Variants in TTC19 observed in about 807,000 individuals in gnomAD.
TTC19 encodes the protein tetratricopeptide repeat domain 19.
TTC19 carries 38 observed loss-of-function variants against 49.5 expected under a neutral mutation model. The observed-to-expected ratio is 0.77, with a 90% confidence interval of 0.59 to 1.01. The LOEUF is 1.01. TTC19 is among the 50% of genes least tolerant of loss of function. The pLI, the probability that TTC19 is intolerant of heterozygous loss-of-function variation, is 0.00. For missense variants in TTC19, 475 were observed against 477.7 expected (o/e 0.99, Z 0.05); for synonymous variants, 204 against 185.2 (o/e 1.10, Z -0.83).
intron 7 of TTC19, among the ~76,000 whole-genome samples, chr17:16,018,280 A>G (rs996705788): frequency 1.4e-4 from 22 of 152,122 alleles, no homozygotes; most frequent in Admixed American, 3.3e-4. Context: ...TTTAGCATCC[A>G]GTTCTCTGGA....
At chr17:16,040,364 G>A (rs1294589304) in intron 2 of TTC19, 1 of 1,169,458 alleles carries the variant, frequency 8.6e-7, no homozygotes, top group Non-Finnish European at 1.3e-6. Context: ...TATACAGTTG[G>A]TACTCAGTAC....
At chr17:16,000,342 G>A (rs777021947) in intron 2 of TTC19, 97 bp downstream of exon 2, 2 of 1,541,628 alleles carry the variant, frequency 1.3e-6, no homozygotes, top group Admixed American at 1.9e-5. Flanking sequence ...CCTCGCCGAA[G>A]AGTGGATGGA....
In TTC19 at chr17:16,029,228, T is replaced by C. The variant is rs1332178294; in HGVS notation, c.*1706T>C. The C allele has an allele frequency of 6.6e-6, 3 of 453,982 alleles. No homozygotes were observed. Among genetic ancestry groups the C allele is most frequent in the East Asian group, 1.4e-4 (2 of 14,398 alleles). 28.1% of individuals were successfully genotyped at this position (453,982 alleles called of 1,614,324 possible). On this transcript the variant is annotated 3_prime_UTR_variant, in exon 10 of 10. Coordinates refer to ENST00000261647, the MANE Select transcript of TTC19 (RefSeq NM_017775.4). The stretch of plus-strand genomic sequence containing the variant: ...AGTGACTCAGCTCATGGTCTCGTTG[T>C]TGGAAACACTAGGAGTTTTCAGGAC...
rs996609263 is a variant in TTC19 at position 16,028,193 on chromosome 17, A to G, written c.*671A>G. The G allele has an allele frequency of 2.2e-6, 1 of 453,546 alleles. No individual in the cohort carries two copies. Among genetic ancestry groups the G allele is most frequent in the Non-Finnish European group, 4.4e-6 (1 of 226,398 alleles). 28.1% of individuals were successfully genotyped at this position (453,546 alleles called of 1,614,324 possible). ...AAAATGGGGGTGTTTATATAAAACT[A>G]AAAACTAAGAATGATGTAACCTTTT... On this transcript the variant is annotated 3_prime_UTR_variant, in exon 10 of 10. Coordinates refer to ENST00000261647, the MANE Select transcript of TTC19 (RefSeq NM_017775.4).
downstream of TTC19, among the ~76,000 whole-genome samples, chr17:16,032,896 A>C (rs1055443142): frequency 6.6e-5 from 10 of 152,196 alleles, no homozygotes; most frequent in Non-Finnish European, 1.2e-4. Context: ...ACGTCTGCAG[A>C]CTGAGGGGCA....
At chr17:16,003,774 T>C (rs919911457) in intron 4 of TTC19, 57 bp from the exon 5 acceptor site, 4 of 1,414,834 alleles carry the variant, frequency 2.8e-6, no homozygotes, top group Non-Finnish European at 3.9e-6. Context: ...CAGGGTCATA[T>C]ATATATATAT....
intron 7 of TTC19, 190 bp from the exon 8 acceptor site, chr17:16,024,827 G>T (rs968059302): frequency 1.7e-6 from 1 of 603,680 alleles, no homozygotes; most frequent in Admixed American, 2.9e-5. Context: ...TTGATGTGCG[G>T]ACTCTTAATC....
At chr17:16,001,183 T>C (rs1173973770) in intron 2 of TTC19, among the ~76,000 whole-genome samples, 1 of 152,026 alleles carries the variant, frequency 6.6e-6, no homozygotes, top group African/African-American at 2.4e-5. Context: ...TGTCATCTCC[T>C]TGTCAGAAAG....
chr17:16,025,007 TTC>T lies in TTC19; in HGVS notation c.677-7_677-6del, dbSNP rs1567586822. On this transcript the variant is annotated splice_region_variant and splice_polypyrimidine_tract_variant and intron_variant, in intron 7 of 9. Transcript: ENST00000261647. ...TTGGGTAGATTTGCTGATTCCTCTTTTCTCCTTAGTGGAAGAGAAAGCCAATA... is the reference window on the plus strand; with the variant it reads ...TTGGGTAGATTTGCTGATTCCTCTTTTCCTTAGTGGAAGAGAAAGCCAATA... The T allele has an allele frequency of 3.7e-6, 6 of 1,613,864 alleles. No homozygotes were observed. The South Asian group carries it at 5.5e-5, about 15-fold the overall frequency.
intron 3 of TTC19, 39 bp downstream of exon 3, chr17:16,002,064 G>T (rs745871330): frequency 8.6e-6 from 12 of 1,390,094 alleles, no homozygotes; most frequent in Non-Finnish European, 1.1e-5. Flanking sequence ...GATGAGGAAG[G>T]TTGGATGGGA....
chr17:16,013,515 A>C (rs909397928), intron 7 of TTC19, among the ~76,000 whole-genome samples: 6 of 152,084 alleles, frequency 3.9e-5, no homozygotes, highest in African/African-American at 1.2e-4. Flanking sequence ...ATTTCTAAAC[A>C]GTTTTAACTT....
chr17:16,032,586 T>G (rs1296586195), downstream of TTC19: 1 of 1,141,846 alleles, frequency 8.8e-7, no homozygotes, highest in Non-Finnish European at 1.2e-6. Context: ...TGTAAAATGG[T>G]CATGTGACAC....
At chr17:16,036,534 G>C (rs1273251245) in intron 2 of TTC19, among the ~76,000 whole-genome samples, 1 of 152,214 alleles carries the variant, frequency 6.6e-6, no homozygotes, top group Non-Finnish European at 1.5e-5. Flanking sequence ...TGGAAGATCT[G>C]TTGTTTAATG....
intron 7 of TTC19, among the ~76,000 whole-genome samples, chr17:16,013,668 A>C (rs994358003): frequency 1.3e-5 from 2 of 152,228 alleles, no homozygotes; most frequent in Non-Finnish European, 2.9e-5. Flanking sequence ...GTTTTATAAC[A>C]GTATACATTC....
chr17:16,040,673 C>T, intron 2 of TTC19: 1 of 636,638 alleles, frequency 1.6e-6, no homozygotes, highest in South Asian at 1.6e-5. Context: ...GACAGGGTCT[C>T]ACTCTGTTGC....
intron 2 of TTC19, among the ~76,000 whole-genome samples, chr17:16,042,632 A>C (rs3785631): frequency 6.6e-6 from 1 of 152,004 alleles, no homozygotes; most frequent in Non-Finnish European, 1.5e-5. Context: ...AATTAGCAGA[A>C]TGGAAGGTAG....
chr17:16,001,838 G>A (rs966612783), intron 2 of TTC19, 77 bp from the exon 3 acceptor site: 2 of 958,994 alleles, frequency 2.1e-6, no homozygotes, highest in Non-Finnish European at 3.3e-6. Flanking sequence ...GGGATGTACA[G>A]TTGCATACAC....
intron 4 of TTC19, among the ~76,000 whole-genome samples, chr17:16,003,239 A>C (rs8077373): frequency 0.1 from 15,932 of 151,982 alleles, 1,408 homozygotes; most frequent in African/African-American, 0.24. Flanking sequence ...AGGGTGTCCA[A>C]TCTGCTAAAA....
At position 16,028,842 on chromosome 17, in the gene TTC19, A is replaced by C. The variant is rs886052639; in HGVS notation, c.*1320A>C. On this transcript the variant is annotated 3_prime_UTR_variant, in exon 10 of 10. Transcript: ENST00000261647. ...TCAAAAAAAAAAAAAAAAAAAAAAA[A>C]AAAACTTTCTGAAGAAAATAAAAAC... The C allele has an allele frequency of 4.0e-5, 15 of 378,292 alleles. 1 individual carries two copies. The highest frequency in any genetic ancestry group is 7.7e-5 in the Admixed American group (2 of 25,986). The allele number at this position is 378,292 out of a possible 1,614,324, so 23.4% of individuals were successfully genotyped here.
Sources: allele counts gnomAD v4.1 joint callset (sites outside exome capture counted in the v4.1 genomes callset), GRCh38; gene constraint gnomAD v4.1.1; transcripts MANE v1.5; gene names NCBI Gene and HGNC (gene_info 2026-07-23, HGNC 2026-07-21).